Variants in PLXNA2 observed in about 807,000 individuals in gnomAD.
The protein encoded by PLXNA2 is plexin-A2.
A neutral mutation model predicts 193.5 loss-of-function variants in PLXNA2; 91 were observed. The observed-to-expected ratio is 0.47, with a 90% CI of 0.40 to 0.56. The LOEUF (loss-of-function observed/expected upper bound fraction) is 0.56, where lower values mean the gene tolerates loss of function less well. Among genes scored for constraint, PLXNA2 ranks in the 20% least tolerant of loss-of-function variants. The pLI, the probability that PLXNA2 is intolerant of heterozygous loss-of-function variation, is 0.00. For synonymous variants in PLXNA2, 997 were observed against 1,027.3 expected (o/e 0.97, Z 0.56); for missense variants, 1,995 against 2,503.2 (o/e 0.80, Z 4.33).
At chr1:208,106,646 A>G (rs1667279687) in intron 4 of PLXNA2, among the ~76,000 whole-genome samples, 1 of 152,232 alleles carries the variant, frequency 6.6e-6, no homozygotes, top group Admixed American at 6.5e-5. Context: ...GAAAAAAGGG[A>G]AAAAATTACA....
chr1:208,188,686 G>T (rs1248437071), intron 3 of PLXNA2, among the ~76,000 whole-genome samples: 1 of 147,562 alleles, frequency 6.8e-6, no homozygotes, highest in Non-Finnish European at 1.5e-5. Context: ...TCCAGCCTGG[G>T]CATCAAGAAT....
At chr1:208,134,287 G>A (rs1039386580) in intron 4 of PLXNA2, among the ~76,000 whole-genome samples, 7 of 152,136 alleles carry the variant, frequency 4.6e-5, no homozygotes, top group African/African-American at 1.7e-4. Flanking sequence ...CTCCCTATCA[G>A]CCTCTTTGTT....
chr1:208,060,487 A>G (rs1432213277), intron 13 of PLXNA2, among the ~76,000 whole-genome samples, 199 bp downstream of exon 13: 1 of 152,158 alleles, frequency 6.6e-6, no homozygotes, highest in East Asian at 1.9e-4. Flanking sequence ...GTCAGGGAAC[A>G]GGGAATCAAA....
At position 208,065,145 on chromosome 1, in the gene PLXNA2, G is replaced by A. The variant is rs1481067180; in HGVS notation, c.2587-4308C>T. 2.6e-5 allele frequency among the ~76,000 whole-genome samples: 4 copies of A among 152,346 alleles called. No individual in the cohort carries two copies. In the South Asian group the frequency reaches 8.3e-4, roughly 32 times the overall value. ...TTGTCTCCCACAGAGGTGAGGATGA[G>A]AGGCTGCGGTGGAGTCATACAGAGT... is the stretch of plus-strand genomic sequence containing the variant. On this transcript the variant is annotated intron_variant, in intron 12 of 31. Coordinates refer to ENST00000367033, the MANE Select transcript of PLXNA2 (RefSeq NM_025179.4).
chr1:208,105,788 G>A (rs1667252706), intron 4 of PLXNA2, among the ~76,000 whole-genome samples: 1 of 152,188 alleles, frequency 6.6e-6, no homozygotes, highest in African/African-American at 2.4e-5. Context: ...GAGAATGGTG[G>A]TCCAGTGCCT....
intron 12 of PLXNA2, among the ~76,000 whole-genome samples, chr1:208,074,524 C>G (rs182136417): frequency 6.6e-6 from 1 of 152,178 alleles, no homozygotes; most frequent in Non-Finnish European, 1.5e-5. Flanking sequence ...ATAGCCTGTA[C>G]AACTTGTTCT....
At chr1:208,146,415 C>A (rs1246684532) in intron 3 of PLXNA2, among the ~76,000 whole-genome samples, 1 of 152,220 alleles carries the variant, frequency 6.6e-6, no homozygotes, top group Non-Finnish European at 1.5e-5. Context: ...TTCAAAACTT[C>A]CAATCCATGG....
At chr1:208,163,850 A>T (rs1223833818) in intron 3 of PLXNA2, among the ~76,000 whole-genome samples, 3 of 152,166 alleles carry the variant, frequency 2.0e-5, no homozygotes, top group Non-Finnish European at 4.4e-5. Context: ...GTGCCTGGCA[A>T]GTCGATGCTC....
chr1:208,132,692 C>G (rs1167151719), intron 4 of PLXNA2, among the ~76,000 whole-genome samples: 1 of 152,140 alleles, frequency 6.6e-6, no homozygotes, highest in Non-Finnish European at 1.5e-5. Context: ...GTTTGCAAAG[C>G]ATGACCTGCA....
At chr1:208,228,629 G>T (rs1207592514) in intron 1 of PLXNA2, among the ~76,000 whole-genome samples, 2 of 152,092 alleles carry the variant, frequency 1.3e-5, no homozygotes, top group Non-Finnish European at 2.9e-5. Context: ...CTGGGCTGTT[G>T]CCCAGATAGA....
chr1:208,182,589 G>A (rs900277771), intron 3 of PLXNA2, among the ~76,000 whole-genome samples: 1 of 152,032 alleles, frequency 6.6e-6, no homozygotes, highest in African/African-American at 2.4e-5. Context: ...TGGAGCTCCG[G>A]AAGGGCCTTA....
At chr1:208,094,981 G>A (rs1666833421) in intron 8 of PLXNA2, among the ~76,000 whole-genome samples, 1 of 152,168 alleles carries the variant, frequency 6.6e-6, no homozygotes, top group African/African-American at 2.4e-5. Flanking sequence ...CCATAGCTTG[G>A]ACCCTACAGA....
At chr1:208,088,421 G>T (rs1666605338) in intron 9 of PLXNA2, among the ~76,000 whole-genome samples, 1 of 152,232 alleles carries the variant, frequency 6.6e-6, no homozygotes, top group Non-Finnish European at 1.5e-5. Flanking sequence ...GAAGCTAATC[G>T]GATTTATTTG....
intron 12 of PLXNA2, among the ~76,000 whole-genome samples, chr1:208,065,563 A>C (rs1665764493): frequency 6.6e-6 from 1 of 152,206 alleles, no homozygotes; most frequent in African/African-American, 2.4e-5. Context: ...TTCCTAGATG[A>C]CTAAAACATG....
At chr1:208,224,670 C>T (rs1671458569) in intron 1 of PLXNA2, among the ~76,000 whole-genome samples, 1 of 151,938 alleles carries the variant, frequency 6.6e-6, no homozygotes, top group Non-Finnish European at 1.5e-5. Flanking sequence ...TTATGTGAAG[C>T]GAAGTGGCTA....
At chr1:208,159,681 G>A (rs535257660) in intron 3 of PLXNA2, among the ~76,000 whole-genome samples, 1 of 152,366 alleles carries the variant, frequency 6.6e-6, no homozygotes, top group East Asian at 1.9e-4. Flanking sequence ...ACATGGACTG[G>A]AGCTGGCATT....
intron 2 of PLXNA2, among the ~76,000 whole-genome samples, chr1:208,213,920 C>A (rs1671043777): frequency 6.6e-6 from 1 of 152,222 alleles, no homozygotes; most frequent in Admixed American, 6.5e-5. Context: ...AGGCTTGTCC[C>A]TCTGCTCTGG....
At chr1:208,211,535 T>C (rs1043656428) in intron 2 of PLXNA2, among the ~76,000 whole-genome samples, 2 of 151,934 alleles carry the variant, frequency 1.3e-5, no homozygotes, top group African/African-American at 4.8e-5. Context: ...CTACTAAAAA[T>C]ACAAAAAATT....
At chr1:208,032,990 C>T (rs1664549565) in intron 28 of PLXNA2, among the ~76,000 whole-genome samples, 1 of 151,354 alleles carries the variant, frequency 6.6e-6, no homozygotes, top group South Asian at 2.1e-4. Context: ...TGGCCTGATC[C>T]TTTGGAAGCC....
Sources: gnomAD v4.1 joint callset for allele counts (sites outside exome capture counted in the v4.1 genomes callset) on GRCh38, gnomAD v4.1.1 for gene constraint, MANE v1.5 for transcripts, NCBI Gene and HGNC (gene_info 2026-07-23, HGNC 2026-07-21) for gene names.